The following CNBD1 variants were observed in gnomAD, a reference collection of about 807,000 sequenced individuals.
CNBD1 encodes the protein cyclic nucleotide binding domain containing 1.
A neutral mutation model predicts 54.4 loss-of-function variants in CNBD1; 71 were observed. The ratio of observed to expected loss-of-function variants is 1.30; its 90% confidence interval spans 1.08 to 1.59. The LOEUF (loss-of-function observed/expected upper bound fraction) is 1.59, where lower values mean the gene tolerates loss of function less well. CNBD1 is among the 40% of genes most tolerant of loss of function. The pLI is 0.00. For synonymous variants in CNBD1, 182 were observed against 170.7 expected, an observed-to-expected ratio of 1.07 and a Z score of -0.51; for missense variants, 659 against 518.0, an observed-to-expected ratio of 1.27 and a Z score of -2.64.
At chr8:87,082,323 C>G (rs2130667068) in intron 4 of CNBD1, among the ~76,000 whole-genome samples, 1 of 152,292 alleles carries the variant, frequency 6.6e-6, no homozygotes, top group African/African-American at 2.4e-5. Flanking sequence ...AAAACTGCCC[C>G]ACCCCTATCT....
intron 4 of CNBD1, among the ~76,000 whole-genome samples, chr8:87,111,619 A>G (rs1367361730): frequency 6.6e-6 from 1 of 152,144 alleles, no homozygotes; most frequent in Non-Finnish European, 1.5e-5. Flanking sequence ...GAACTGGGAA[A>G]GGGATTGACT....
chr8:87,325,796 C>T (rs548608428), intron 8 of CNBD1, among the ~76,000 whole-genome samples: 4 of 149,278 alleles, frequency 2.7e-5, no homozygotes, highest in African/African-American at 9.9e-5. Context: ...GCATTTAGTC[C>T]ATTTACATTT....
intron 4 of CNBD1, among the ~76,000 whole-genome samples, chr8:86,993,240 T>G (rs1395450374): frequency 6.6e-6 from 1 of 151,732 alleles, no homozygotes. Flanking sequence ...TTCAGCTTGG[T>G]CTATTTTTCT....
At chr8:87,205,674 A>G (rs534636036) in intron 4 of CNBD1, among the ~76,000 whole-genome samples, 7 of 152,154 alleles carry the variant, frequency 4.6e-5, no homozygotes, top group East Asian at 1.9e-4. Context: ...AACTACTGAT[A>G]AGAGATGCAA....
At chr8:86,996,125 A>T (rs990470479) in intron 4 of CNBD1, among the ~76,000 whole-genome samples, 1 of 152,042 alleles carries the variant, frequency 6.6e-6, no homozygotes, top group Non-Finnish European at 1.5e-5. Flanking sequence ...TCTCCTGTTT[A>T]TTATTTTATT....
intron 3 of CNBD1, among the ~76,000 whole-genome samples, chr8:86,937,037 T>C (rs186237981): frequency 2.3e-4 from 35 of 152,288 alleles, no homozygotes; most frequent in Admixed American, 1.8e-3. Context: ...ACACTGCTAA[T>C]AAAGATATAC....
chr8:87,237,871 A>G (rs996228054), intron 6 of CNBD1, among the ~76,000 whole-genome samples: 1 of 152,182 alleles, frequency 6.6e-6, no homozygotes, highest in African/African-American at 2.4e-5. Flanking sequence ...AAGGATAAAA[A>G]TGAACAAGCC....
intron 4 of CNBD1, among the ~76,000 whole-genome samples, chr8:86,949,283 G>A (rs1807546171): frequency 6.6e-6 from 1 of 152,106 alleles, no homozygotes; most frequent in Non-Finnish European, 1.5e-5. Flanking sequence ...CTCTTTCTGT[G>A]AAGAATGCCA....
At chr8:86,958,345 G>A (rs142085311) in intron 4 of CNBD1, among the ~76,000 whole-genome samples, 54 of 152,218 alleles carry the variant, frequency 3.5e-4, no homozygotes, top group African/African-American at 1.3e-3. Flanking sequence ...TGTCTATTAG[G>A]TCCTCATTGC....
intron 4 of CNBD1, among the ~76,000 whole-genome samples, chr8:87,198,077 A>G (rs996762764): frequency 6.6e-5 from 10 of 152,238 alleles, no homozygotes; most frequent in Non-Finnish European, 5.9e-5. Context: ...AAAACCTGGA[A>G]ATTAGTCAAA....
At chr8:87,129,603 T>C (rs73263913) in intron 4 of CNBD1, among the ~76,000 whole-genome samples, 7,743 of 152,204 alleles carry the variant, frequency 0.051, 631 homozygotes, top group African/African-American at 0.17. Flanking sequence ...CTGATCATTT[T>C]TTTCCTTTTT....
At chr8:87,319,881 A>G (rs1809482262) in intron 8 of CNBD1, among the ~76,000 whole-genome samples, 1 of 152,010 alleles carries the variant, frequency 6.6e-6, no homozygotes, top group African/African-American at 2.4e-5. Context: ...TTTATTTGAT[A>G]CCCTTGCATT....
In CNBD1 at chr8:86,939,664, A is replaced by C. The variant is rs1448245838; in HGVS notation, c.341A>C (p.His114Pro). ...GATGATTCTAACAATATAGCTGTCC[A>C]TGTTCAGAGAGCACATGGTGGCCAT... Reference protein sequence around the residue: ...QPDDSNNIAVHVQRAHGGHIL... With the variant: ...QPDDSNNIAVPVQRAHGGHIL... The change falls in exon 4 of 11, where the codon CAT becomes CCT. Residue 114 changes from histidine (H) to proline (P), a missense_variant. Coordinates refer to ENST00000518476, the MANE Select transcript of CNBD1 (RefSeq NM_173538.3). 1 of 1,606,792 alleles carries C rather than the reference A, an allele frequency of 6.2e-7. No individual in the cohort carries two copies. The highest frequency in any genetic ancestry group is 1.7e-5 in the Admixed American group (1 of 59,170).
At chr8:87,233,636 C>G (rs2130823070) in intron 5 of CNBD1, among the ~76,000 whole-genome samples, 1 of 152,160 alleles carries the variant, frequency 6.6e-6, no homozygotes, top group Non-Finnish European at 1.5e-5. Context: ...AGCAAATTCT[C>G]TCTCTCTCTC....
At chr8:87,169,340 T>C (rs941174906) in intron 4 of CNBD1, among the ~76,000 whole-genome samples, 2 of 152,126 alleles carry the variant, frequency 1.3e-5, no homozygotes, top group Non-Finnish European at 2.9e-5. Flanking sequence ...GCAGATATTT[T>C]CTCCCATTCT....
chr8:86,920,230 A>T (rs1436618914), intron 3 of CNBD1, among the ~76,000 whole-genome samples: 4 of 152,144 alleles, frequency 2.6e-5, no homozygotes, highest in Admixed American at 2.6e-4. Flanking sequence ...TCTGTTTGAA[A>T]TTTTTTTGGT....
rs1008122685 is a variant in CNBD1, at chr8:87,045,641, C to T, written c.431+105887C>T. ...TCGGGAGGCTGAGGCAGGAGAATGG[C>T]GTGAACCCGGTAGGCGGAGCTTGCA... is the stretch of plus-strand genomic sequence containing the variant. On this transcript the variant is annotated intron_variant, in intron 4 of 10. Transcript: ENST00000518476. 2.7e-5 allele frequency among the ~76,000 whole-genome samples: 4 copies of T among 147,712 alleles called. No homozygotes were observed. The Admixed American group carries it at 2.8e-4, about 10-fold the overall frequency.
At chr8:87,253,234 C>T (rs980650413) in intron 6 of CNBD1, among the ~76,000 whole-genome samples, 10 of 152,192 alleles carry the variant, frequency 6.6e-5, no homozygotes, top group East Asian at 1.9e-4. Flanking sequence ...AAGACTGGCC[C>T]GGAGGATTAC....
At chr8:86,989,304 A>ATACATACATACATAC (rs1586182914) in intron 4 of CNBD1, among the ~76,000 whole-genome samples, 18 of 149,262 alleles carry the variant, frequency 1.2e-4, no homozygotes, top group African/African-American at 4.5e-4. Context: ...AAAACAAATA[A>ATACATACATACATAC]ATACATACAT....
Sources: gnomAD v4.1 joint callset for allele counts (sites outside exome capture counted in the v4.1 genomes callset) on GRCh38, gnomAD v4.1.1 for gene constraint, MANE v1.5 for transcripts, NCBI Gene and HGNC (gene_info 2026-07-23, HGNC 2026-07-21) for gene names.